The following TRAPPC9 variants were observed in gnomAD, a reference collection of about 807,000 sequenced individuals.
The protein encoded by TRAPPC9 is trafficking protein particle complex subunit 9.
In TRAPPC9, 83 loss-of-function variants were observed where a neutral mutation model predicts 124.0. The ratio of observed to expected loss-of-function variants is 0.67; its 90% CI spans 0.56 to 0.80. The LOEUF is 0.80. TRAPPC9 is among the 30% of genes least tolerant of loss of function. The pLI, the probability that TRAPPC9 is intolerant of heterozygous loss-of-function variation, is 0.00. For synonymous variants in TRAPPC9, 638 were observed against 617.5 expected (o/e 1.03, Z -0.49); for missense variants, 1,302 against 1,508.3 (o/e 0.86, Z 2.27).
chr8:140,197,984 C>T (rs534310851), intron 17 of TRAPPC9, among the ~76,000 whole-genome samples: 64 of 152,328 alleles, frequency 4.2e-4, no homozygotes, highest in Non-Finnish European at 7.6e-4. Flanking sequence ...GTGCACTGGC[C>T]ATCTAGTCTC....
intron 17 of TRAPPC9, among the ~76,000 whole-genome samples, chr8:140,064,464 A>ATC (rs1453297607): frequency 6.6e-6 from 1 of 152,188 alleles, no homozygotes; most frequent in Non-Finnish European, 1.5e-5. Flanking sequence ...GGCAGTCTTT[A>ATC]TCTCTACCTG....
chr8:140,058,377 T>C (rs191544710), intron 17 of TRAPPC9, among the ~76,000 whole-genome samples: 4 of 152,330 alleles, frequency 2.6e-5, no homozygotes, highest in Non-Finnish European at 5.9e-5. Context: ...GGTCTTTCTC[T>C]GCATGAGAAC....
At chr8:139,800,707 G>A (rs2130673020) in intron 21 of TRAPPC9, among the ~76,000 whole-genome samples, 1 of 152,182 alleles carries the variant, frequency 6.6e-6, no homozygotes, top group Admixed American at 6.5e-5. Context: ...CTGGAGCCCA[G>A]GAGAGCTGTC....
rs149771078 is a variant in TRAPPC9 at position 139,998,328 on chromosome 8, G to A, written c.2700-9492C>T. On this transcript the variant is annotated intron_variant, in intron 18 of 22. Transcript: ENST00000438773. ...GGAAAGAAAGTCCTTTAAACAAAGG[G>A]TGAATAATAATACAGGGAAACTTGA... Among the ~76,000 whole-genome samples, 8 of 152,326 alleles carry A rather than the reference G, an allele frequency of 5.3e-5. No homozygotes were observed. The East Asian group carries it at 1.5e-3, about 29-fold the overall frequency.
At position 139,910,199 on chromosome 8, in the gene TRAPPC9, C is replaced by A; in HGVS notation, c.2912G>T (p.Arg971Leu). The A allele has an allele frequency of 5.6e-6, 9 of 1,614,196 alleles. No homozygotes were observed. The highest frequency in any genetic ancestry group is 7.6e-6 in the Non-Finnish European group (9 of 1,180,030). Residue 971 changes from arginine (R) to leucine (L), a missense_variant, in exon 20 of 23, where the codon CGG (arginine) becomes CTG (leucine). Around this residue, in one of 3 missense-constraint regions of TRAPPC9, gnomAD observed 640 missense variants for 679.3 expected, o/e 0.94. Coordinates refer to ENST00000438773, the MANE Select transcript of TRAPPC9 (RefSeq NM_001160372.4). ...GTGGATCTCCAGGCCTCGGGCTTCC[C>A]GCCGCTCTTCCTCCAGCTGCTTGGG... ...ANPKQLEEERREARGLEIHSK... is the reference protein window; with the variant it reads ...ANPKQLEEERLEARGLEIHSK...
intron 19 of TRAPPC9, among the ~76,000 whole-genome samples, chr8:139,944,192 C>T (rs1168211753): frequency 6.6e-6 from 1 of 152,092 alleles, no homozygotes; most frequent in Non-Finnish European, 1.5e-5. Context: ...AAATTATCAA[C>T]AGAAGTCTCC....
rs556033808 is a variant in TRAPPC9, at chr8:139,742,725, G to A, written c.3056-10523C>T. Among the ~76,000 whole-genome samples the A allele has an allele frequency of 1.3e-5, 2 of 152,330 alleles. No homozygotes were observed. The highest frequency in any genetic ancestry group is 4.1e-4 in the South Asian group (2 of 4,830). On this transcript the variant is annotated intron_variant, in intron 21 of 22. Coordinates refer to ENST00000438773, the MANE Select transcript of TRAPPC9 (RefSeq NM_001160372.4). This position sits in a 1 kb window ranked among gnomAD's most constrained non-coding sequence, Gnocchi z 4.7. Reference sequence around the variant, plus strand: ...TCAGATGGGCCCAGCATGCACGGTTGCTTTCAACTCTGATCTGCAGGCTGG... The same window carrying A: ...TCAGATGGGCCCAGCATGCACGGTTACTTTCAACTCTGATCTGCAGGCTGG...
chr8:139,889,809 C>T (rs1830223093), intron 20 of TRAPPC9, among the ~76,000 whole-genome samples: 1 of 152,232 alleles, frequency 6.6e-6, no homozygotes. Context: ...TGGACAAGGA[C>T]AGCCCCCCTG....
At chr8:140,140,718 C>T (rs2061370124) in intron 17 of TRAPPC9, among the ~76,000 whole-genome samples, 1 of 152,152 alleles carries the variant, frequency 6.6e-6, no homozygotes, top group Admixed American at 6.5e-5. Context: ...GTCAGTTCTT[C>T]CCTCCGAAAC....
At chr8:139,752,016 T>C (rs116491735) in intron 21 of TRAPPC9, among the ~76,000 whole-genome samples, 5 of 148,598 alleles carry the variant, frequency 3.4e-5, no homozygotes, top group Non-Finnish European at 6.0e-5. Context: ...TATCCATCCA[T>C]CCAAAATCCA....
intron 20 of TRAPPC9, among the ~76,000 whole-genome samples, chr8:139,890,657 T>G (rs148200848): frequency 1.3e-5 from 2 of 152,292 alleles, no homozygotes; most frequent in African/African-American, 4.8e-5. Flanking sequence ...CCTCAGGGAC[T>G]GAGCACTCCT....
At position 140,295,368 on chromosome 8, in the gene TRAPPC9, G is replaced by A. The variant is rs116776838; in HGVS notation, c.1769-4290C>T. Among the ~76,000 whole-genome samples, 1,033 of 152,320 alleles carry A rather than the reference G, an allele frequency of 6.8e-3. 12 individuals carry two copies. Among genetic ancestry groups the A allele is most frequent in the African/African-American group, 0.023 (963 of 41,574 alleles). Reference sequence around the variant, plus strand: ...AGATAGCATGACTGCAGACCACAGAGGCACAATCAGCTGTCCACGGTCACA... The same window carrying A: ...AGATAGCATGACTGCAGACCACAGAAGCACAATCAGCTGTCCACGGTCACA... On this transcript the variant is annotated intron_variant, in intron 11 of 22. Coordinates refer to ENST00000438773, the MANE Select transcript of TRAPPC9 (RefSeq NM_001160372.4).
chr8:139,728,636 C>T lies in TRAPPC9; in HGVS notation c.*2425G>A, dbSNP rs1374634622. ...ACGGTAAAGCTCCAAACGCTTGGAG[C>T]ACACACAAGGCCTGACTCCAGGTCA... On this transcript the variant is annotated 3_prime_UTR_variant, in exon 23 of 23. Transcript: ENST00000438773. Among the ~76,000 whole-genome samples, 1 of 152,218 alleles carries T rather than the reference C, an allele frequency of 6.6e-6. No homozygotes were observed. The highest frequency in any genetic ancestry group is 1.5e-5 in the Non-Finnish European group (1 of 68,034).
intron 21 of TRAPPC9, among the ~76,000 whole-genome samples, chr8:139,873,694 T>C (rs1370653679): frequency 6.6e-6 from 1 of 152,138 alleles, no homozygotes; most frequent in Non-Finnish European, 1.5e-5. Flanking sequence ...GCAGTGAGAG[T>C]TACTTCAGGT....
At chr8:139,988,884 G>A in intron 18 of TRAPPC9, 48 bp from the exon 19 acceptor site, 2 of 1,305,932 alleles carry the variant, frequency 1.5e-6, no homozygotes, top group Non-Finnish European at 2.2e-6. Flanking sequence ...CAGCCAAAGA[G>A]GAATGACTTT....
At chr8:140,119,866 A>G (rs1443270859) in intron 17 of TRAPPC9, among the ~76,000 whole-genome samples, 3 of 152,128 alleles carry the variant, frequency 2.0e-5, no homozygotes, top group Non-Finnish European at 4.4e-5. Context: ...CTCCTGTAGA[A>G]CTGTTTGTGG....
intron 17 of TRAPPC9, among the ~76,000 whole-genome samples, chr8:140,092,446 C>T (rs1844634889): frequency 6.6e-6 from 1 of 152,184 alleles, no homozygotes; most frequent in Non-Finnish European, 1.5e-5. Flanking sequence ...ATTCACCTGC[C>T]TCAGCCTCCC....
At chr8:139,946,282 A>C (rs1834207520) in intron 19 of TRAPPC9, among the ~76,000 whole-genome samples, 1 of 152,234 alleles carries the variant, frequency 6.6e-6, no homozygotes, top group African/African-American at 2.4e-5. Context: ...CTCACTGTGG[A>C]ATTACTTCAT....
At chr8:139,909,217 T>C (rs1462619313) in intron 20 of TRAPPC9, among the ~76,000 whole-genome samples, 1 of 152,198 alleles carries the variant, frequency 6.6e-6, no homozygotes, top group Non-Finnish European at 1.5e-5. Flanking sequence ...TTAACAGACA[T>C]TCCCATCAGA....
Sources: gnomAD v4.1 joint callset for allele counts (sites outside exome capture counted in the v4.1 genomes callset) on GRCh38, gnomAD v4.1.1 for gene constraint, gnomAD v4.1.1 regional missense constraint, Gnocchi (gnomAD v3.1) non-coding constraint, MANE v1.5 for transcripts, NCBI Gene and HGNC (gene_info 2026-07-23, HGNC 2026-07-21) for gene names.